Variants in GALNTL6 observed in about 807,000 individuals in gnomAD.
The protein encoded by GALNTL6 is polypeptide N-acetylgalactosaminyltransferase like 6.
A neutral mutation model predicts 73.7 loss-of-function variants in GALNTL6; 46 were observed. That is an observed-to-expected ratio of 0.62 (90% CI 0.49 to 0.80). GALNTL6 has a LOEUF of 0.80. Ranked by LOEUF, GALNTL6 falls within the 30% of genes least tolerant of loss-of-function variation. The pLI, the probability that GALNTL6 is intolerant of heterozygous loss-of-function variation, is 0.00. For missense variants in GALNTL6, 604 were observed against 755.0 expected, an observed-to-expected ratio of 0.80 and a Z score of 2.34; for synonymous variants, 259 against 263.7, an observed-to-expected ratio of 0.98 and a Z score of 0.17.
At chr4:172,463,635 A>G (rs765383399) in intron 5 of GALNTL6, among the ~76,000 whole-genome samples, 1 of 152,244 alleles carries the variant, frequency 6.6e-6, no homozygotes, top group Non-Finnish European at 1.5e-5. Context: ...AGAGATACAT[A>G]CAAAATAAAT....
chr4:172,635,923 A>G (rs1049702586), intron 5 of GALNTL6, among the ~76,000 whole-genome samples: 14 of 152,210 alleles, frequency 9.2e-5, no homozygotes, highest in African/African-American at 3.1e-4. Context: ...TGATAAACCT[A>G]TAGTTCTAAT....
At chr4:172,773,943 T>C (rs1371004674) in intron 5 of GALNTL6, among the ~76,000 whole-genome samples, 3 of 151,468 alleles carry the variant, frequency 2.0e-5, no homozygotes, top group Non-Finnish European at 4.4e-5. Context: ...AGTGTCTAAA[T>C]ACAGGTATTG....
At chr4:172,631,422 G>C (rs1356604672) in intron 5 of GALNTL6, among the ~76,000 whole-genome samples, 1 of 152,130 alleles carries the variant, frequency 6.6e-6, no homozygotes, top group Non-Finnish European at 1.5e-5. Context: ...TGGGATTACA[G>C]GCGTGAGCCA....
chr4:172,557,811 G>A (rs1425327203), intron 5 of GALNTL6, among the ~76,000 whole-genome samples: 8 of 151,794 alleles, frequency 5.3e-5, no homozygotes, highest in East Asian at 1.9e-4. Flanking sequence ...AAATGTTATA[G>A]CCACATTAGA....
chr4:171,996,666 C>T (rs1014654760), intron 2 of GALNTL6, among the ~76,000 whole-genome samples: 9 of 146,662 alleles, frequency 6.1e-5, no homozygotes, highest in East Asian at 2.0e-4. Flanking sequence ...GGGCCACATT[C>T]GAGGAAGAAA....
chr4:172,108,274 G>A (rs1015566127), intron 2 of GALNTL6, among the ~76,000 whole-genome samples: 2 of 152,160 alleles, frequency 1.3e-5, no homozygotes, highest in African/African-American at 4.8e-5. Context: ...GAATAAGAAA[G>A]AGAAGAAAAG....
intron 5 of GALNTL6, among the ~76,000 whole-genome samples, chr4:172,728,691 T>C (rs1309193193): frequency 1.3e-5 from 2 of 152,198 alleles, no homozygotes; most frequent in Non-Finnish European, 2.9e-5. Context: ...AACATGGAAG[T>C]GCAAATATCT....
chr4:171,919,522 T>C (rs1014431131), intron 2 of GALNTL6, among the ~76,000 whole-genome samples: 1 of 152,012 alleles, frequency 6.6e-6, no homozygotes, highest in African/African-American at 2.4e-5. Context: ...AGTCAGATGA[T>C]GGTGATATTA....
chr4:172,283,500 T>G (rs1043179392), intron 3 of GALNTL6, among the ~76,000 whole-genome samples: 17 of 152,176 alleles, frequency 1.1e-4, no homozygotes, highest in Non-Finnish European at 2.5e-4. Context: ...CTGGGAAATG[T>G]ACACTGTTAA....
At chr4:172,645,995 C>T (rs1740226251) in intron 5 of GALNTL6, among the ~76,000 whole-genome samples, 1 of 151,982 alleles carries the variant, frequency 6.6e-6, no homozygotes, top group Non-Finnish European at 1.5e-5. Flanking sequence ...GAAAAATCAA[C>T]AGGAAAATGA....
At chr4:172,403,767 G>A (rs1016566321) in intron 5 of GALNTL6, among the ~76,000 whole-genome samples, 2 of 151,976 alleles carry the variant, frequency 1.3e-5, no homozygotes, top group Non-Finnish European at 2.9e-5. Flanking sequence ...TTGACTGGAA[G>A]TATTAACTCT....
intron 2 of GALNTL6, among the ~76,000 whole-genome samples, chr4:171,977,971 A>C (rs1193888218): frequency 6.6e-6 from 1 of 152,106 alleles, no homozygotes; most frequent in East Asian, 1.9e-4. Context: ...TGCCATGGCA[A>C]AAAGTAATTG....
chr4:172,559,145 A>G lies in GALNTL6; in HGVS notation c.553+210456A>G, dbSNP rs574090446. 5.6e-5 allele frequency among the ~76,000 whole-genome samples: 7 copies of G among 125,228 alleles called. No individual in the cohort carries two copies. In the South Asian group the frequency reaches 1.8e-3, roughly 32 times the overall value. The allele number at this position is 125,228 out of a possible 152,430, so 82.2% of individuals were successfully genotyped here. Reference sequence around the variant, plus strand: ...GCAGTCGCGATCTCGGCTCACTGCAACCTCCACCTCCCAGGTTCATGCCGT... The same window carrying G: ...GCAGTCGCGATCTCGGCTCACTGCAGCCTCCACCTCCCAGGTTCATGCCGT... On this transcript the variant is annotated intron_variant, in intron 5 of 12. Transcript: ENST00000506823.
intron 5 of GALNTL6, among the ~76,000 whole-genome samples, chr4:172,618,190 T>C (rs1304398761): frequency 6.6e-6 from 1 of 152,234 alleles, no homozygotes; most frequent in Non-Finnish European, 1.5e-5. Flanking sequence ...TGATTAGCCC[T>C]GGCAGCAAAA....
At chr4:171,971,336 G>A (rs927809446) in intron 2 of GALNTL6, among the ~76,000 whole-genome samples, 5 of 152,088 alleles carry the variant, frequency 3.3e-5, no homozygotes, top group African/African-American at 1.2e-4. Context: ...ACTTCGCTAC[G>A]GACTACAAGG....
chr4:172,626,532 T>C (rs1097574), intron 5 of GALNTL6, among the ~76,000 whole-genome samples: 7,911 of 152,222 alleles, frequency 0.052, 389 homozygotes, highest in African/African-American at 0.13. Flanking sequence ...AATAGTTTTT[T>C]TCTAATTCTG....
chr4:172,123,743 C>T (rs1415959295), intron 2 of GALNTL6, among the ~76,000 whole-genome samples: 1 of 152,088 alleles, frequency 6.6e-6, no homozygotes, highest in Non-Finnish European at 1.5e-5. Context: ...TCGTGATCCA[C>T]CCACCTCAGC....
intron 3 of GALNTL6, among the ~76,000 whole-genome samples, chr4:172,269,274 T>C (rs567569643): frequency 6.6e-6 from 1 of 152,246 alleles, no homozygotes; most frequent in African/African-American, 2.4e-5. Flanking sequence ...AAAATTCTCC[T>C]ACACAATAAG....
rs1278268344 is a variant in GALNTL6 at position 172,841,229 on chromosome 4, G to A, written c.923+27506G>A. Reference sequence around the variant, plus strand: ...CTGCATTAAACAGAACATTGATAATGGTAATGATAATAATAATAGAATGGC... The same window carrying A: ...CTGCATTAAACAGAACATTGATAATAGTAATGATAATAATAATAGAATGGC... On this transcript the variant is annotated intron_variant, in intron 7 of 12. Transcript: ENST00000506823. Among the ~76,000 whole-genome samples the A allele has an allele frequency of 2.6e-5, 4 of 152,134 alleles. No homozygotes were observed. The East Asian group carries it at 5.8e-4, about 22-fold the overall frequency.
Sources: gnomAD v4.1 joint callset for allele counts (sites outside exome capture counted in the v4.1 genomes callset) on GRCh38, gnomAD v4.1.1 for gene constraint, MANE v1.5 for transcripts, NCBI Gene and HGNC (gene_info 2026-07-23, HGNC 2026-07-21) for gene names.